PLB1: variants seen among roughly 807,000 people sequenced by gnomAD.
PLB1 encodes phospholipase B1.
A neutral mutation model predicts 227.4 loss-of-function variants in PLB1; 242 were observed. The ratio of observed to expected loss-of-function variants is 1.06; its 90% confidence interval spans 0.96 to 1.18. The LOEUF is 1.18. Among genes scored for constraint, PLB1 ranks in the 50% most tolerant of loss-of-function variants. PLB1 has a pLI of 0.00. For missense variants in PLB1, 1,858 were observed against 1,816.3 expected (o/e 1.02, Z -0.42); for synonymous variants, 757 against 682.2 (o/e 1.11, Z -1.71).
In PLB1 at chr2:28,529,851, G is replaced by A. The variant is rs1259686703; in HGVS notation, c.468+72G>A. The A allele has an allele frequency of 1.4e-5, 20 of 1,450,954 alleles. No individual in the cohort carries two copies. In the Admixed American group the frequency reaches 2.7e-4, roughly 20 times the overall value. The allele number at this position is 1,450,954 out of a possible 1,614,324, so 89.9% of individuals were successfully genotyped here. On this transcript the variant is annotated intron_variant, in intron 8 of 57. Transcript: ENST00000327757. ...TGCAAGGCGGGCAGACCGAAGTGAT[G>A]ATGACCCTCGTACCATTTTACCATG...
chr2:28,606,275 C>T (rs1234603758), intron 42 of PLB1, among the ~76,000 whole-genome samples: 1 of 152,188 alleles, frequency 6.6e-6, no homozygotes, highest in African/African-American at 2.4e-5. Flanking sequence ...TCTGCATATC[C>T]CTGCTAGAGA....
intron 33 of PLB1, 171 bp downstream of exon 33, chr2:28,593,925 A>T: frequency 1.4e-6 from 1 of 731,254 alleles, no homozygotes; most frequent in Non-Finnish European, 2.5e-6. Context: ...GTGAGTGGAG[A>T]GGATATTTTA....
At chr2:28,582,624 C>A in intron 25 of PLB1, 119 bp downstream of exon 25, 1 of 747,614 alleles carries the variant, frequency 1.3e-6, no homozygotes. Context: ...GTGACCACCC[C>A]ATCTTCTAAC....
intron 15 of PLB1, 82 bp from the exon 16 acceptor site, chr2:28,549,928 G>A (rs1021064377): frequency 1.6e-6 from 2 of 1,221,418 alleles, no homozygotes; most frequent in Non-Finnish European, 1.2e-6. Context: ...TTGGCCAAAA[G>A]CATCACTGGA....
chr2:28,516,667 T>G, intron 1 of PLB1, 141 bp from the exon 2 acceptor site: 5 of 703,282 alleles, frequency 7.1e-6, no homozygotes, highest in South Asian at 1.8e-5. Context: ...GCTGGACAAA[T>G]AGAATCTGGG....
chr2:28,516,290 C>CA (rs1668842867), intron 1 of PLB1, among the ~76,000 whole-genome samples: 1 of 152,226 alleles, frequency 6.6e-6, no homozygotes, highest in South Asian at 2.1e-4. Context: ...CCTTACTCCT[C>CA]ACGTTCAGCA....
intron 32 of PLB1, 126 bp from the exon 33 acceptor site, chr2:28,593,555 G>C (rs1223755034): frequency 2.7e-6 from 2 of 747,056 alleles, no homozygotes; most frequent in East Asian, 2.7e-5. Context: ...AGGGGCTCCT[G>C]GTTCCATGTC....
chr2:28,629,905 G>A (rs1206034379), intron 53 of PLB1, among the ~76,000 whole-genome samples: 1 of 152,170 alleles, frequency 6.6e-6, no homozygotes, highest in African/African-American at 2.4e-5. Context: ...CTATGAGAGA[G>A]GAGGTTCTCC....
At chr2:28,622,219 C>G (rs1687141521) in intron 49 of PLB1, among the ~76,000 whole-genome samples, 1 of 152,188 alleles carries the variant, frequency 6.6e-6, no homozygotes, top group Non-Finnish European at 1.5e-5. Context: ...ACATACAAAC[C>G]ATAGCAGAAC....
chr2:28,516,343 A>G (rs1668849345), intron 1 of PLB1, among the ~76,000 whole-genome samples: 1 of 152,196 alleles, frequency 6.6e-6, no homozygotes, highest in Admixed American at 6.5e-5. Flanking sequence ...TAGTACAGTC[A>G]TGGCTGCTAG....
At position 28,577,859 on chromosome 2, in the gene PLB1, A is replaced by T. The variant is rs574272550; in HGVS notation, c.1434-248A>T. Among the ~76,000 whole-genome samples the T allele has an allele frequency of 2.6e-5, 4 of 152,302 alleles. No individual in the cohort carries two copies. In the South Asian group the frequency reaches 8.3e-4, roughly 32 times the overall value. On this transcript the variant is annotated intron_variant, in intron 21 of 57. Coordinates refer to ENST00000327757, the MANE Select transcript of PLB1 (RefSeq NM_153021.5). ...CATCTCAGGGGAAACAAAAAGGAAA[A>T]TAGTCACACTGAGAATCACCCCCTC... is the stretch of plus-strand genomic sequence containing the variant.
chr2:28,558,703 G>A (rs1221157220), intron 17 of PLB1, among the ~76,000 whole-genome samples: 1 of 138,784 alleles, frequency 7.2e-6, no homozygotes, highest in Non-Finnish European at 1.6e-5. Context: ...TGGTGTGTGT[G>A]TATGTGTGTG....
Position 28,565,869 on chromosome 2 carries a change from G to A in PLB1, c.1280+516G>A, listed in dbSNP as rs573983836. Among the ~76,000 whole-genome samples the A allele has an allele frequency of 2.0e-5, 3 of 152,326 alleles. No individual in the cohort carries two copies. The East Asian group carries it at 5.8e-4, about 29-fold the overall frequency. ...AGTGCTTGACACTAAGTATCTGGTA[G>A]TTGGCATTGTTATTATAGGGCCTTT... On this transcript the variant is annotated intron_variant, in intron 19 of 57. Transcript: ENST00000327757.
intron 6 of PLB1, among the ~76,000 whole-genome samples, chr2:28,526,194 T>C (rs1299373334): frequency 2.6e-5 from 4 of 152,046 alleles, no homozygotes; most frequent in Non-Finnish European, 4.4e-5. Context: ...TGGGTTAAGA[T>C]TGGGGAACCT....
intron 14 of PLB1, among the ~76,000 whole-genome samples, chr2:28,546,075 A>G (rs182523422): frequency 0.035 from 4,377 of 123,656 alleles, 99 homozygotes; most frequent in Middle Eastern, 0.088. Flanking sequence ...ACCCATCAGC[A>G]TGGGAGGTGA....
At chr2:28,544,726 A>G (rs1672987231) in intron 14 of PLB1, among the ~76,000 whole-genome samples, 1 of 152,094 alleles carries the variant, frequency 6.6e-6, no homozygotes, top group South Asian at 2.1e-4. Flanking sequence ...GGCTTTGTGA[A>G]ATGTGTTGGA....
chr2:28,569,546 T>C (rs1036871698), intron 20 of PLB1, among the ~76,000 whole-genome samples: 10 of 152,168 alleles, frequency 6.6e-5, no homozygotes, highest in Middle Eastern at 3.4e-3. Context: ...CTACCAACCT[T>C]ACAGAAATAA....
intron 56 of PLB1, among the ~76,000 whole-genome samples, chr2:28,639,608 T>C (rs893086750): frequency 6.6e-6 from 1 of 152,032 alleles, no homozygotes; most frequent in Admixed American, 6.5e-5. Flanking sequence ...AAGGAACCAG[T>C]AGAAAGGGAG....
In PLB1 at chr2:28,591,699, GGGT is replaced by G; in HGVS notation, c.2128_2130del (p.Gly710del). The G allele has an allele frequency of 6.2e-7, 1 of 1,613,926 alleles. No homozygotes were observed. Among genetic ancestry groups the G allele is most frequent in the African/African-American group, 1.3e-5 (1 of 75,018 alleles). Reference sequence around the variant, plus strand: ...TTCTGGGATTTGTTCTATGCCCTTAGGGTCATGGGACCTGGCTGCCATGCAGGG... The same window carrying G: ...TTCTGGGATTTGTTCTATGCCCTTAGCATGGGACCTGGCTGCCATGCAGGG... On this transcript the variant is annotated inframe_deletion and splice_region_variant, in exon 31 of 58. Transcript: ENST00000327757.
Sources: allele counts gnomAD v4.1 joint callset (sites outside exome capture counted in the v4.1 genomes callset), GRCh38; gene constraint gnomAD v4.1.1; transcripts MANE v1.5; gene names NCBI Gene and HGNC (gene_info 2026-07-23, HGNC 2026-07-21).